Variants in USP24 observed in about 807,000 individuals in gnomAD.
USP24 encodes the protein ubiquitin specific peptidase 24.
A neutral mutation model predicts 361.6 loss-of-function variants in USP24; 97 were observed. That is an observed-to-expected ratio of 0.27 (90% CI 0.23 to 0.32). The LOEUF is 0.32. Among genes scored for constraint, USP24 ranks in the 10% least tolerant of loss-of-function variants. The pLI, the probability that USP24 is intolerant of heterozygous loss-of-function variation, is 1.00. For missense variants in USP24, 2,353 were observed against 3,165.6 expected (o/e 0.74, Z 6.16); for synonymous variants, 1,098 against 1,124.6 (o/e 0.98, Z 0.47).
chr1:55,204,230 T>C (rs1644647818), intron 1 of USP24, among the ~76,000 whole-genome samples: 1 of 152,214 alleles, frequency 6.6e-6, no homozygotes, highest in South Asian at 2.1e-4. Context: ...TAAGTTTTTT[T>C]ATTATCAACA....
rs528285022 is a variant in USP24 at position 55,211,021 on chromosome 1, T to C, written c.324+3769A>G. On this transcript the variant is annotated intron_variant, in intron 1 of 67. Coordinates refer to ENST00000294383, the MANE Select transcript of USP24 (RefSeq NM_015306.3). ...TGGTATTCCTTATGGATAAGGTACATTTCATAATTGTTAAGTTCTGTGAGA... is the reference window on the plus strand; with the variant it reads ...TGGTATTCCTTATGGATAAGGTACACTTCATAATTGTTAAGTTCTGTGAGA... Among the ~76,000 whole-genome samples the C allele has an allele frequency of 2.0e-4, 31 of 152,320 alleles. No homozygotes were observed. The East Asian group carries it at 3.7e-3, about 18-fold the overall frequency.
intron 1 of USP24, among the ~76,000 whole-genome samples, chr1:55,203,255 A>G (rs1410315279): frequency 6.6e-6 from 1 of 152,240 alleles, no homozygotes; most frequent in Admixed American, 6.5e-5. Flanking sequence ...GGAAGGATAT[A>G]TTAAAGATAA....
intron 36 of USP24, among the ~76,000 whole-genome samples, chr1:55,122,828 A>G (rs1377212065): frequency 6.6e-6 from 1 of 152,208 alleles, no homozygotes; most frequent in Non-Finnish European, 1.5e-5. Flanking sequence ...TCAGTTCTGG[A>G]AATGAGAAGT....
rs1217118381 is a variant in USP24, at chr1:55,099,878, CA to C, written c.5272-10del. ...TTCCACATCTTGAAAATCTATATAA[CA>C]AAAATTAAATGTTTTTAAAGGAAAA... On this transcript the variant is annotated splice_polypyrimidine_tract_variant and intron_variant, in intron 44 of 67. Transcript: ENST00000294383. 6 of 1,535,268 alleles carry C rather than the reference CA, an allele frequency of 3.9e-6. No homozygotes were observed. The highest frequency in any genetic ancestry group is 5.3e-6 in the Non-Finnish European group (6 of 1,138,462).
chr1:55,097,683 A>G lies in USP24; in HGVS notation c.5630T>C (p.Leu1877Ser). Residue 1877 changes from leucine to serine, a missense_variant, in exon 48 of 68, where the codon TTA becomes TCA. Around this residue, in one of 8 missense-constraint regions of USP24, gnomAD observed 105 missense variants for 200.3 expected, o/e 0.52. Transcript: ENST00000294383. ...ITVKRTCIKS[L>S]PSVLVIHLMR... The stretch of plus-strand genomic sequence containing the variant: ...TAGGTGAATTACCAAGACGCTAGGT[A>G]AAGATTTAATACAGGTCCTTTTCAC... The G allele has an allele frequency of 6.3e-7, 1 of 1,584,476 alleles. No homozygotes were observed. The highest frequency in any genetic ancestry group is 8.6e-7 in the Non-Finnish European group (1 of 1,164,222).
intron 1 of USP24, among the ~76,000 whole-genome samples, chr1:55,213,259 G>T (rs1421034561): frequency 6.6e-6 from 1 of 151,968 alleles, no homozygotes; most frequent in Admixed American, 6.6e-5. Flanking sequence ...CAATTATATG[G>T]GAATTTAAAA....
chr1:55,200,432 A>G (rs1039095545), intron 1 of USP24, among the ~76,000 whole-genome samples: 7 of 152,362 alleles, frequency 4.6e-5, no homozygotes, highest in African/African-American at 1.7e-4. Context: ...AGTTCTCAGA[A>G]GCCAGAAGAG....
At chr1:55,168,793 C>T (rs1262296048) in intron 5 of USP24, among the ~76,000 whole-genome samples, 1 of 152,132 alleles carries the variant, frequency 6.6e-6, no homozygotes, top group Non-Finnish European at 1.5e-5. Context: ...GTCTGAAAAA[C>T]CTTAAGTTGA....
intron 1 of USP24, among the ~76,000 whole-genome samples, chr1:55,206,186 T>A (rs1055691384): frequency 3.9e-5 from 6 of 152,240 alleles, no homozygotes; most frequent in Non-Finnish European, 8.8e-5. Context: ...TAAATATTAT[T>A]GTGAGCCAGG....
At chr1:55,106,711 G>A (rs1256987786) in intron 40 of USP24, among the ~76,000 whole-genome samples, 1 of 152,158 alleles carries the variant, frequency 6.6e-6, no homozygotes, top group Non-Finnish European at 1.5e-5. Flanking sequence ...TGTATCCCCA[G>A]TAGCCAAGAA....
intron 1 of USP24, among the ~76,000 whole-genome samples, chr1:55,194,539 C>A (rs1644367875): frequency 6.6e-6 from 1 of 151,974 alleles, no homozygotes. Flanking sequence ...AGGGCTGAGG[C>A]TGCAGTGAGC....
chr1:55,132,048 A>G (rs79616734), intron 31 of USP24, among the ~76,000 whole-genome samples: 6,641 of 152,168 alleles, frequency 0.044, 383 homozygotes, highest in African/African-American at 0.13. Flanking sequence ...TGTTTTTTCA[A>G]CTCTGTTCCC....
chr1:55,079,379 A>G (rs1461917548), intron 60 of USP24, among the ~76,000 whole-genome samples, 159 bp downstream of exon 60: 1 of 152,188 alleles, frequency 6.6e-6, no homozygotes, highest in East Asian at 1.9e-4. Flanking sequence ...GACTAATAAC[A>G]TTCTCTTCCA....
chr1:55,172,144 A>G (rs189072654), intron 4 of USP24, among the ~76,000 whole-genome samples: 65 of 152,322 alleles, frequency 4.3e-4, no homozygotes, highest in Middle Eastern at 3.4e-3. Context: ...AGGTAAGAGA[A>G]AGGCATTTAA....
chr1:55,168,099 A>G (rs1649067479), intron 5 of USP24, among the ~76,000 whole-genome samples: 1 of 152,162 alleles, frequency 6.6e-6, no homozygotes, highest in South Asian at 2.1e-4. Flanking sequence ...AACAGAGGAA[A>G]CATGGCTTGG....
rs942993200 is a variant in USP24, at chr1:55,200,277, C to T, written c.324+14513G>A. On this transcript the variant is annotated intron_variant, in intron 1 of 67. Coordinates refer to ENST00000294383, the MANE Select transcript of USP24 (RefSeq NM_015306.3). ...ACATTCCCTACTCTGTCAGAAGTTC[C>T]TAGAATAGTTGGAGGTCCTTATGGG... Among the ~76,000 whole-genome samples the T allele has an allele frequency of 9.9e-5, 15 of 152,278 alleles. No individual in the cohort carries two copies. In the East Asian group the frequency reaches 2.5e-3, roughly 25 times the overall value.
At chr1:55,155,658 G>A (rs1206347548) in intron 12 of USP24, among the ~76,000 whole-genome samples, 1 of 152,158 alleles carries the variant, frequency 6.6e-6, no homozygotes, top group African/African-American at 2.4e-5. Context: ...ATGCTGGGCT[G>A]GGAGCCTGCC....
intron 62 of USP24, 106 bp downstream of exon 62, chr1:55,077,129 C>A (rs1645045233): frequency 9.0e-7 from 1 of 1,112,854 alleles, no homozygotes; most frequent in African/African-American, 1.6e-5. Context: ...TAAATGCAGA[C>A]CAAATGAATG....
chr1:55,129,371 G>T, intron 32 of USP24, 106 bp downstream of exon 32: 2 of 768,742 alleles, frequency 2.6e-6, no homozygotes, highest in Non-Finnish European at 4.2e-6. Context: ...CTCACAATGA[G>T]TCATATGATA....
Sources: allele counts gnomAD v4.1 joint callset (sites outside exome capture counted in the v4.1 genomes callset), GRCh38; gene constraint gnomAD v4.1.1; regional missense constraint gnomAD v4.1.1; transcripts MANE v1.5; gene names NCBI Gene and HGNC (gene_info 2026-07-23, HGNC 2026-07-21).